Variants in PCDHA12 observed in about 807,000 individuals in gnomAD.
The protein encoded by PCDHA12 is protocadherin alpha 12, also known as protocadherin alpha-12.
Under a neutral mutation model 60.0 loss-of-function variants are expected in PCDHA12, and 44 were observed. The ratio of observed to expected loss-of-function variants is 0.73; its 90% CI spans 0.58 to 0.94. The LOEUF is 0.94. Ranked by LOEUF, PCDHA12 falls within the 40% of genes least tolerant of loss-of-function variation. PCDHA12 has a pLI of 0.00. For missense variants in PCDHA12, 1,276 were observed against 1,239.7 expected (o/e 1.03, Z -0.44); for synonymous variants, 569 against 553.0 (o/e 1.03, Z -0.40).
intron 1 of PCDHA12, chr5:140,927,082 C>G (rs141480000): frequency 6.2e-7 from 1 of 1,611,100 alleles, no homozygotes; most frequent in Non-Finnish European, 8.5e-7. Flanking sequence ...CCACCGCGAG[C>G]TCTACTTCGG....
At chr5:140,894,363 C>T (rs971503382) in intron 1 of PCDHA12, among the ~76,000 whole-genome samples, 1 of 151,968 alleles carries the variant, frequency 6.6e-6, no homozygotes, top group Admixed American at 6.5e-5. Context: ...ATTTCTTCTT[C>T]AATGGCTCCA....
At chr5:140,983,170 G>A (rs1046143831) in intron 3 of PCDHA12, among the ~76,000 whole-genome samples, 1 of 152,136 alleles carries the variant, frequency 6.6e-6, no homozygotes, top group Non-Finnish European at 1.5e-5. Context: ...AAACATGACC[G>A]CCTCACAATT....
At chr5:140,924,765 C>T (rs574213548) in intron 1 of PCDHA12, among the ~76,000 whole-genome samples, 2 of 151,640 alleles carry the variant, frequency 1.3e-5, no homozygotes, top group Non-Finnish European at 2.9e-5. Context: ...CATGGTGGTG[C>T]GCGCTTGTAG....
intron 1 of PCDHA12, among the ~76,000 whole-genome samples, chr5:140,950,273 T>G (rs1218178621): frequency 6.6e-5 from 10 of 152,008 alleles, no homozygotes; most frequent in African/African-American, 1.9e-4. Flanking sequence ...CCATAATGTC[T>G]TTTTGCTTCA....
intron 3 of PCDHA12, among the ~76,000 whole-genome samples, chr5:141,006,117 T>C (rs2098255751): frequency 6.6e-6 from 1 of 152,094 alleles, no homozygotes; most frequent in African/African-American, 2.4e-5. Flanking sequence ...TTTTTTTTTT[T>C]TTCTCAAGGC....
chr5:140,974,146 A>G (rs1208366709), intron 1 of PCDHA12, among the ~76,000 whole-genome samples: 1 of 152,260 alleles, frequency 6.6e-6, no homozygotes, highest in Non-Finnish European at 1.5e-5. Context: ...TGAAAACTAT[A>G]CAAGGGTTTT....
At chr5:140,987,960 C>G (rs2097275437) in intron 3 of PCDHA12, among the ~76,000 whole-genome samples, 1 of 152,120 alleles carries the variant, frequency 6.6e-6, no homozygotes, top group African/African-American at 2.4e-5. Flanking sequence ...AACCAACTCC[C>G]CATGGAAAGA....
chr5:140,928,643 T>C (rs2085399261), intron 1 of PCDHA12: 7 of 1,614,222 alleles, frequency 4.3e-6, no homozygotes, highest in Non-Finnish European at 5.9e-6. Context: ...ACAAAAGTGG[T>C]AGCAGAGGAT....
Position 140,877,062 on chromosome 5 carries a change from G to T in PCDHA12, c.1590G>T (p.Leu530=). 1.9e-6 allele frequency: 3 copies of T among 1,612,992 alleles called. No individual in the cohort carries two copies. Among genetic ancestry groups the T allele is most frequent in the Non-Finnish European group, 2.5e-6 (3 of 1,179,848 alleles). The change falls in exon 1 of 4, where the codon CTG becomes CTT. Residue 530 remains leucine (L), a synonymous_variant. Coordinates refer to ENST00000398631, the MANE Select transcript of PCDHA12 (RefSeq NM_018903.4). ...CGCTAGACCACGAGGAGCTGGAGCT[G>T]CTGCAGTTCCAGGTGAGCGCGCGCG... ...LQPLDHEELE[L]LQFQVSARDA...
chr5:140,941,191 T>TTTTTTTTC (rs1554213809), intron 1 of PCDHA12, among the ~76,000 whole-genome samples: 21 of 93,258 alleles, frequency 2.3e-4, no homozygotes, highest in African/African-American at 5.9e-4. Flanking sequence ...GCTTCTTTTT[T>TTTTTTTTC]TTTCTTTCTT....
intron 1 of PCDHA12, among the ~76,000 whole-genome samples, chr5:140,941,192 TTTCTTTCTTCCTTTCTTTCTTCC>T (rs2153649449): frequency 1.0e-5 from 1 of 99,660 alleles, no homozygotes; most frequent in African/African-American, 4.0e-5. Flanking sequence ...CTTCTTTTTT[TTTCTTTCTTCCTTTCTTTCTTCC>T]TTTCTTTCTT....
At chr5:140,985,981 C>T (rs966841419) in intron 3 of PCDHA12, among the ~76,000 whole-genome samples, 18 of 152,140 alleles carry the variant, frequency 1.2e-4, no homozygotes, top group Middle Eastern at 6.8e-3. Context: ...CCTCGTGATC[C>T]GCCCACCTCA....
chr5:140,914,619 T>G (rs1554196515), intron 1 of PCDHA12, among the ~76,000 whole-genome samples: 1 of 152,194 alleles, frequency 6.6e-6, no homozygotes, highest in African/African-American at 2.4e-5. Context: ...TTTTGTAATT[T>G]GTTTTCTCGT....
In PCDHA12 at chr5:140,927,334, G is replaced by A. The variant is rs201745433; in HGVS notation, c.2367+49495G>A. The A allele has an allele frequency of 4.6e-5, 74 of 1,614,180 alleles. No individual in the cohort carries two copies. Among genetic ancestry groups the A allele is most frequent in the Non-Finnish European group, 5.9e-5 (70 of 1,180,032 alleles). ...CGGAGCCCGCTTTACTCTCCCGAAT[G>A]CCCAAGATGACGACGAGGGAAGCAA... On this transcript the variant is annotated intron_variant, in intron 1 of 3. Transcript: ENST00000398631.
rs200338376 is a variant in PCDHA12, at chr5:140,927,680, G to C, written c.2367+49841G>C. On this transcript the variant is annotated intron_variant, in intron 1 of 3. Transcript: ENST00000398631. ...GTTCAAGCCTTGGATCCAGATGAAGGGTCCAATGGGGAAGTCCAGTACTCC... is the reference window on the plus strand; with the variant it reads ...GTTCAAGCCTTGGATCCAGATGAAGCGTCCAATGGGGAAGTCCAGTACTCC... The C allele has an allele frequency of 2.2e-5, 36 of 1,614,022 alleles. No individual in the cohort carries two copies. The Admixed American group carries it at 4.5e-4, about 20-fold the overall frequency.
intron 3 of PCDHA12, among the ~76,000 whole-genome samples, chr5:140,988,042 T>C (rs1365233473): frequency 1.3e-5 from 2 of 152,212 alleles, no homozygotes. Context: ...AGAATCTGTT[T>C]AGGAGCACTG....
At position 140,981,056 on chromosome 5, in the gene PCDHA12, G is replaced by A. The variant is rs571113984; in HGVS notation, c.2427-1419G>A. 1.5e-3 allele frequency among the ~76,000 whole-genome samples: 227 copies of A among 152,276 alleles called. 1 individual carries two copies. Among genetic ancestry groups the A allele is most frequent in the African/African-American group, 5.2e-3 (217 of 41,556 alleles). ...GGGAAAAAAAACAGATAATTCTAGA[G>A]TGTAGACAAGGGGAAGAATAGTAAA... On this transcript the variant is annotated intron_variant, in intron 2 of 3. Transcript: ENST00000398631.
intron 1 of PCDHA12, chr5:140,968,074 C>T (rs781940696): frequency 1.2e-6 from 2 of 1,614,020 alleles, no homozygotes; most frequent in African/African-American, 1.3e-5. Context: ...CTGTCTACAA[C>T]ATCACGGTGA....
chr5:140,883,406 G>A, intron 1 of PCDHA12: 2 of 1,614,156 alleles, frequency 1.2e-6, no homozygotes, highest in South Asian at 2.2e-5. Context: ...TCGTGACTCT[G>A]GCTCAAATGG....
Sources: gnomAD v4.1 joint callset for allele counts (sites outside exome capture counted in the v4.1 genomes callset) on GRCh38, gnomAD v4.1.1 for gene constraint, MANE v1.5 for transcripts, NCBI Gene and HGNC (gene_info 2026-07-23, HGNC 2026-07-21) for gene names.